VAV3: variants seen among roughly 807,000 people sequenced by gnomAD.
The protein encoded by VAV3 is vav guanine nucleotide exchange factor 3, also known as guanine nucleotide exchange factor VAV3.
In VAV3, 94 loss-of-function variants were observed where a neutral mutation model predicts 131.2. The observed-to-expected ratio is 0.72, with a 90% CI of 0.61 to 0.85. The LOEUF is 0.85. VAV3 is among the 40% of genes least tolerant of loss of function. VAV3 has a pLI of 0.00. For synonymous variants in VAV3, 349 were observed against 342.0 expected (o/e 1.02, Z -0.22); for missense variants, 939 against 1,002.7 (o/e 0.94, Z 0.86).
intron 19 of VAV3, chr1:107,669,226 C>T: frequency 8.4e-7 from 1 of 1,183,650 alleles, no homozygotes; most frequent in Non-Finnish European, 1.1e-6. Flanking sequence ...TGAATTAAAA[C>T]ATGAAGTAAT....
intron 2 of VAV3, among the ~76,000 whole-genome samples, chr1:107,802,172 T>G (rs189703354): frequency 1.4e-4 from 21 of 152,250 alleles, no homozygotes; most frequent in African/African-American, 4.6e-4. Flanking sequence ...TTGGCTTACA[T>G]AAATGGTACT....
intron 2 of VAV3, among the ~76,000 whole-genome samples, chr1:107,826,755 C>T (rs1027214024): frequency 2.0e-5 from 3 of 152,084 alleles, no homozygotes; most frequent in Non-Finnish European, 4.4e-5. Context: ...GTGAAGTCTT[C>T]GAACTCCTGT....
At chr1:107,906,623 G>A (rs559072767) in intron 1 of VAV3, among the ~76,000 whole-genome samples, 28 of 152,084 alleles carry the variant, frequency 1.8e-4, no homozygotes, top group South Asian at 8.3e-4. Flanking sequence ...CCAAGATCGC[G>A]CCACTGCACT....
Position 107,788,512 on chromosome 1 carries a change from A to T in VAV3, c.322-9020T>A, listed in dbSNP as rs116406212. Among the ~76,000 whole-genome samples the T allele has an allele frequency of 3.1e-3, 473 of 152,062 alleles. 2 individuals are homozygous for T. Among genetic ancestry groups the T allele is most frequent in the African/African-American group, 0.011 (440 of 41,464 alleles). ...GCAATTTCAAAATTAACACTTTCCC[A>T]CTAAAGAGCAAGCAGAAAAAAGCAA... On this transcript the variant is annotated intron_variant, in intron 2 of 26. Transcript: ENST00000370056.
intron 2 of VAV3, among the ~76,000 whole-genome samples, chr1:107,863,652 C>T (rs1266302898): frequency 6.6e-6 from 1 of 152,212 alleles, no homozygotes; most frequent in East Asian, 1.9e-4. Flanking sequence ...TCCTAAATAA[C>T]TTTCCCTCTA....
At chr1:107,742,053 C>T (rs1663051760) in intron 15 of VAV3, among the ~76,000 whole-genome samples, 1 of 152,192 alleles carries the variant, frequency 6.6e-6, no homozygotes. Context: ...AAATACTCAT[C>T]TATGGCATCA....
chr1:107,605,120 G>T (rs1422756803), intron 22 of VAV3, among the ~76,000 whole-genome samples: 2 of 152,068 alleles, frequency 1.3e-5, no homozygotes, highest in Non-Finnish European at 1.5e-5. Context: ...GTTTTTGTTT[G>T]TTCAAGTTCT....
At chr1:107,879,736 C>T (rs995494543) in intron 1 of VAV3, among the ~76,000 whole-genome samples, 4 of 151,922 alleles carry the variant, frequency 2.6e-5, no homozygotes, top group East Asian at 3.9e-4. Flanking sequence ...TACAACTTTG[C>T]TAAATCATCT....
At chr1:107,774,781 C>T (rs7528856) in intron 4 of VAV3, among the ~76,000 whole-genome samples, 48,652 of 151,964 alleles carry the variant, frequency 0.32, 8,343 homozygotes, top group Non-Finnish European at 0.38. Context: ...CAAGGGCTTC[C>T]GTTTGGGTGA....
intron 20 of VAV3, 139 bp from the exon 21 acceptor site, chr1:107,617,771 CT>C (rs1242714516): frequency 5.4e-5 from 32 of 590,382 alleles, no homozygotes; most frequent in Non-Finnish European, 7.8e-5. Context: ...CATTAACTTA[CT>C]GTGGATCAGA....
At chr1:107,761,203 C>T (rs1456314499) in intron 9 of VAV3, among the ~76,000 whole-genome samples, 3 of 152,040 alleles carry the variant, frequency 2.0e-5, no homozygotes, top group African/African-American at 4.8e-5. Context: ...TCCTGGCTAA[C>T]ATGGTGAAAC....
chr1:107,866,117 A>T (rs1669975646), intron 2 of VAV3, among the ~76,000 whole-genome samples: 1 of 152,140 alleles, frequency 6.6e-6, no homozygotes, highest in African/African-American at 2.4e-5. Context: ...AAGTCCTAGG[A>T]TCAAGGTTAA....
intron 2 of VAV3, among the ~76,000 whole-genome samples, chr1:107,835,254 C>G (rs576069016): frequency 5.3e-5 from 8 of 152,334 alleles, no homozygotes; most frequent in African/African-American, 1.9e-4. Flanking sequence ...AGTGCCTTGC[C>G]ATGGCCCCAC....
At chr1:107,603,710 AG>A (rs1315469593) in intron 22 of VAV3, among the ~76,000 whole-genome samples, 13 of 152,040 alleles carry the variant, frequency 8.6e-5, no homozygotes, top group Non-Finnish European at 1.8e-4. Context: ...TTTAAAAGGT[AG>A]ATTTTTTTTT....
chr1:107,753,549 T>TATGTATATATATATATACAC (rs771773884), intron 12 of VAV3, among the ~76,000 whole-genome samples: 1,419 of 81,868 alleles, frequency 0.017, 29 homozygotes, highest in Non-Finnish European at 0.029. Flanking sequence ...TATATATATA[T>TATGTATATATATATATACAC]ACACACACAC....
At chr1:107,862,408 A>G (rs1480223957) in intron 2 of VAV3, among the ~76,000 whole-genome samples, 2 of 151,506 alleles carry the variant, frequency 1.3e-5, no homozygotes, top group Non-Finnish European at 2.9e-5. Flanking sequence ...TGCATAAGCC[A>G]TTAAAAAAAA....
intron 2 of VAV3, among the ~76,000 whole-genome samples, chr1:107,856,098 G>A (rs1669454838): frequency 1.3e-5 from 2 of 152,214 alleles, no homozygotes; most frequent in Admixed American, 6.5e-5. Context: ...ATGACACTGT[G>A]ACACAGGTGG....
chr1:107,634,315 C>T (rs1364439466), intron 20 of VAV3, among the ~76,000 whole-genome samples: 2 of 152,058 alleles, frequency 1.3e-5, no homozygotes, highest in African/African-American at 4.8e-5. Context: ...AAAAATAATG[C>T]CACATATCTA....
intron 1 of VAV3, among the ~76,000 whole-genome samples, chr1:107,940,848 A>C (rs578246869): frequency 3.3e-5 from 5 of 152,274 alleles, no homozygotes; most frequent in African/African-American, 1.2e-4. Flanking sequence ...TAATGTATAG[A>C]GTTTCAGTTG....
Sources: allele counts gnomAD v4.1 joint callset (sites outside exome capture counted in the v4.1 genomes callset), GRCh38; gene constraint gnomAD v4.1.1; transcripts MANE v1.5; gene names NCBI Gene and HGNC (gene_info 2026-07-23, HGNC 2026-07-21).